PLXDC2: variants seen among roughly 807,000 people sequenced by gnomAD.
PLXDC2 encodes the protein plexin domain containing 2.
PLXDC2 carries 40 observed loss-of-function variants against 68.9 expected under a neutral mutation model. The ratio of observed to expected loss-of-function variants is 0.58; its 90% CI spans 0.45 to 0.76. The LOEUF is 0.76. Among genes scored for constraint, PLXDC2 ranks in the 30% least tolerant of loss-of-function variants. The probability of loss-of-function intolerance (pLI) is 0.00; values close to 1 mark genes in which losing one functional copy is unlikely to be tolerated. For missense variants in PLXDC2, 644 were observed against 661.9 expected (o/e 0.97, Z 0.30); for synonymous variants, 243 against 234.2 (o/e 1.04, Z -0.34).
At chr10:20,169,930 T>G (rs1834425135) in intron 7 of PLXDC2, among the ~76,000 whole-genome samples, 1 of 152,184 alleles carries the variant, frequency 6.6e-6, no homozygotes, top group African/African-American at 2.4e-5. Context: ...TTTGGTACTT[T>G]CTTAACATCA....
At chr10:20,166,864 T>A (rs919599457) in intron 7 of PLXDC2, among the ~76,000 whole-genome samples, 1 of 152,158 alleles carries the variant, frequency 6.6e-6, no homozygotes, top group African/African-American at 2.4e-5. Context: ...AGGATAACTG[T>A]TACGTGTTGG....
chr10:20,174,622 A>G (rs1834500632), intron 7 of PLXDC2, among the ~76,000 whole-genome samples: 2 of 152,086 alleles, frequency 1.3e-5, no homozygotes, highest in Non-Finnish European at 2.9e-5. Flanking sequence ...GAAGGGGAAC[A>G]TCACACAATG....
intron 2 of PLXDC2, among the ~76,000 whole-genome samples, chr10:20,003,140 C>A (rs1456007632): frequency 2.0e-5 from 3 of 152,126 alleles, no homozygotes; most frequent in Non-Finnish European, 4.4e-5. Context: ...TTTCTGTAGT[C>A]CTTAGCACTG....
intron 1 of PLXDC2, among the ~76,000 whole-genome samples, chr10:19,895,946 G>C (rs1405809196): frequency 1.3e-5 from 2 of 152,040 alleles, no homozygotes; most frequent in Non-Finnish European, 2.9e-5. Context: ...AGGAAAAGTA[G>C]GTCTGAGAAG....
chr10:20,259,165 T>C lies in PLXDC2; in HGVS notation c.1473+13660T>C, dbSNP rs115857891. ...AAAAATATATATTAACACACACACA[T>C]ATTTATTAATTCATCTCAGCACATA... On this transcript the variant is annotated intron_variant, in intron 13 of 13. Transcript: ENST00000377252. Among the ~76,000 whole-genome samples, 555 of 152,264 alleles carry C rather than the reference T, an allele frequency of 3.6e-3. 5 individuals carry two copies. The highest frequency in any genetic ancestry group is 0.013 in the African/African-American group (524 of 41,564).
chr10:20,239,417 T>A (rs1835484179), intron 12 of PLXDC2, among the ~76,000 whole-genome samples: 1 of 152,192 alleles, frequency 6.6e-6, no homozygotes, highest in South Asian at 2.1e-4. Flanking sequence ...CAGTTCTGCA[T>A]GGCTGGGGAG....
intron 1 of PLXDC2, among the ~76,000 whole-genome samples, chr10:19,953,543 A>C (rs867279164): frequency 1.4e-4 from 22 of 152,328 alleles, no homozygotes; most frequent in Middle Eastern, 3.4e-3. Flanking sequence ...AAAAATACCA[A>C]TCCTGTTTTC....
chr10:20,001,146 C>T (rs557468175), intron 1 of PLXDC2, among the ~76,000 whole-genome samples: 12 of 152,234 alleles, frequency 7.9e-5, no homozygotes, highest in East Asian at 5.8e-4. Flanking sequence ...AAGGTGAGAA[C>T]GGCACAGATG....
chr10:19,928,741 A>C (rs1833580060), intron 1 of PLXDC2, among the ~76,000 whole-genome samples: 1 of 149,486 alleles, frequency 6.7e-6, no homozygotes, highest in South Asian at 2.1e-4. Flanking sequence ...ATGGAAGGGA[A>C]GATAGGACTT....
intron 1 of PLXDC2, among the ~76,000 whole-genome samples, chr10:19,930,743 A>C (rs537097077): frequency 7.2e-5 from 11 of 152,290 alleles, no homozygotes; most frequent in African/African-American, 2.6e-4. Flanking sequence ...TGGGTGGGTC[A>C]CCTGAGGTTG....
At chr10:19,952,794 C>T (rs562184345) in intron 1 of PLXDC2, among the ~76,000 whole-genome samples, 2 of 152,258 alleles carry the variant, frequency 1.3e-5, no homozygotes, top group Admixed American at 1.3e-4. Flanking sequence ...TCGGATTTTC[C>T]AGAAGGAAAT....
chr10:20,208,946 G>C (rs1324325260), intron 9 of PLXDC2, among the ~76,000 whole-genome samples: 1 of 152,162 alleles, frequency 6.6e-6, no homozygotes, highest in African/African-American at 2.4e-5. Flanking sequence ...AGGGGAGGGA[G>C]TGTACGAATA....
Position 19,817,206 on chromosome 10 carries a change from C to CT in PLXDC2, c.112+18dup, listed in dbSNP as rs747265609. 1.3e-6 allele frequency: 2 copies of CT among 1,547,492 alleles called. No individual in the cohort carries two copies. Among genetic ancestry groups the CT allele is most frequent in the Non-Finnish European group, 1.8e-6 (2 of 1,141,248 alleles). ...CCAAATCCTTGGTAAGTAAGATGCA[C>CT]TTTAGCTTGCTGATTTTGTGCGCAG... On this transcript the variant is annotated intron_variant, in intron 1 of 13. Transcript: ENST00000377252.
intron 1 of PLXDC2, among the ~76,000 whole-genome samples, chr10:19,975,533 T>C (rs1012376076): frequency 1.3e-5 from 2 of 152,076 alleles, no homozygotes; most frequent in Non-Finnish European, 2.9e-5. Context: ...TTAAATTTAA[T>C]CCAGCCCCTG....
At chr10:19,962,054 A>G (rs1564640268) in intron 1 of PLXDC2, among the ~76,000 whole-genome samples, 1 of 152,140 alleles carries the variant, frequency 6.6e-6, no homozygotes, top group African/African-American at 2.4e-5. Flanking sequence ...TAGTGACGAT[A>G]TTTATTTGTG....
intron 1 of PLXDC2, among the ~76,000 whole-genome samples, chr10:19,855,356 C>T (rs1173949797): frequency 3.3e-5 from 5 of 151,904 alleles, no homozygotes; most frequent in Non-Finnish European, 5.9e-5. Context: ...TTCACTTTTC[C>T]CCCCTTAGAT....
At chr10:19,839,393 C>T (rs1455369208) in intron 1 of PLXDC2, among the ~76,000 whole-genome samples, 1 of 152,106 alleles carries the variant, frequency 6.6e-6, no homozygotes, top group East Asian at 1.9e-4. Context: ...TATCAGCTAT[C>T]TTCAGTGTTA....
At chr10:20,169,563 T>C (rs970421015) in intron 7 of PLXDC2, among the ~76,000 whole-genome samples, 3 of 152,208 alleles carry the variant, frequency 2.0e-5, no homozygotes, top group Admixed American at 1.3e-4. Flanking sequence ...TTTGCACTAA[T>C]TTGTTTCTCT....
chr10:20,032,775 A>C (rs1391234152), intron 2 of PLXDC2, among the ~76,000 whole-genome samples: 1 of 151,934 alleles, frequency 6.6e-6, no homozygotes, highest in East Asian at 1.9e-4. Flanking sequence ...CTTTATTTTT[A>C]AAGTGGCATC....
Sources: allele counts gnomAD v4.1 joint callset (sites outside exome capture counted in the v4.1 genomes callset), GRCh38; gene constraint gnomAD v4.1.1; transcripts MANE v1.5; gene names NCBI Gene and HGNC (gene_info 2026-07-23, HGNC 2026-07-21).